The following CDH13 variants were observed in gnomAD, a reference collection of about 807,000 sequenced individuals.
CDH13 encodes cadherin 13.
A neutral mutation model predicts 63.8 loss-of-function variants in CDH13; 24 were observed. The observed-to-expected ratio is 0.38, with a 90% CI of 0.27 to 0.53. The LOEUF is 0.53. Among genes scored for constraint, CDH13 ranks in the 20% least tolerant of loss-of-function variants. The pLI, the probability that CDH13 is intolerant of heterozygous loss-of-function variation, is 0.85. For missense variants in CDH13, 1,049 were observed against 903.1 expected (o/e 1.16, Z -2.07); for synonymous variants, 503 against 355.3 (o/e 1.42, Z -4.67).
chr16:83,694,362 T>C (rs1263411922), intron 10 of CDH13, among the ~76,000 whole-genome samples: 3 of 152,122 alleles, frequency 2.0e-5, no homozygotes, highest in Admixed American at 6.5e-5. Context: ...GGTTACTACC[T>C]CCCACCAACA....
At chr16:83,682,813 C>T (rs1370789104) in intron 10 of CDH13, among the ~76,000 whole-genome samples, 1 of 152,168 alleles carries the variant, frequency 6.6e-6, no homozygotes, top group East Asian at 1.9e-4. Context: ...AACTAAAAGC[C>T]CCCATGAGAG....
At chr16:83,152,318 T>C (rs564964343) in intron 4 of CDH13, among the ~76,000 whole-genome samples, 1 of 152,312 alleles carries the variant, frequency 6.6e-6, no homozygotes, top group African/African-American at 2.4e-5. Flanking sequence ...TGGACTACTA[T>C]GCAATCATTA....
intron 7 of CDH13, among the ~76,000 whole-genome samples, chr16:83,563,765 A>G (rs1214528592): frequency 6.6e-6 from 1 of 152,054 alleles, no homozygotes; most frequent in East Asian, 1.9e-4. Flanking sequence ...CCCCAAACCA[A>G]AGCCTCCTGC....
chr16:83,159,410 T>C (rs1294472025), intron 4 of CDH13, among the ~76,000 whole-genome samples: 1 of 152,206 alleles, frequency 6.6e-6, no homozygotes, highest in African/African-American at 2.4e-5. Flanking sequence ...CAAAAATATT[T>C]TCTAAACAAT....
intron 1 of CDH13, among the ~76,000 whole-genome samples, chr16:82,687,923 T>C (rs926949108): frequency 1.3e-5 from 2 of 152,142 alleles, no homozygotes; most frequent in Non-Finnish European, 2.9e-5. Context: ...AGGCACCTCC[T>C]TGGACTCAGA....
intron 2 of CDH13, among the ~76,000 whole-genome samples, chr16:82,902,234 A>C (rs1373568393): frequency 6.6e-6 from 1 of 152,198 alleles, no homozygotes; most frequent in Non-Finnish European, 1.5e-5. Flanking sequence ...AAGCAATATA[A>C]AGTGGTTCTT....
In CDH13 at chr16:83,304,343, T is replaced by A. The variant is rs576590931; in HGVS notation, c.637-40519T>A. Among the ~76,000 whole-genome samples the A allele has an allele frequency of 4.5e-4, 69 of 152,242 alleles. 1 individual carries two copies. The highest frequency in any genetic ancestry group is 1.6e-3 in the African/African-American group (66 of 41,548). On this transcript the variant is annotated intron_variant, in intron 5 of 13. Transcript: ENST00000567109. ...AGATTGGAATCTTGGGAAAAAAGAC[T>A]GTGTTGGTAATTTTAGAAGGAGTCT...
intron 7 of CDH13, among the ~76,000 whole-genome samples, chr16:83,539,989 T>C (rs931255936): frequency 6.6e-6 from 1 of 152,196 alleles, no homozygotes; most frequent in Non-Finnish European, 1.5e-5. Flanking sequence ...TTCTCTTGCT[T>C]CTGAATCTCT....
At chr16:83,444,098 TTGA>T (rs1313912583) in intron 6 of CDH13, among the ~76,000 whole-genome samples, 1 of 144,658 alleles carries the variant, frequency 6.9e-6, no homozygotes, top group Admixed American at 6.8e-5. Context: ...AATAGTGAGG[TTGA>T]TGATGGTGAA....
chr16:83,238,351 C>T (rs1298731823), intron 5 of CDH13, among the ~76,000 whole-genome samples: 2 of 152,164 alleles, frequency 1.3e-5, no homozygotes, highest in Non-Finnish European at 2.9e-5. Context: ...TGCAGGGGAA[C>T]TGCCCTTTAT....
At chr16:83,225,133 C>T (rs1481728818) in intron 5 of CDH13, among the ~76,000 whole-genome samples, 1 of 152,138 alleles carries the variant, frequency 6.6e-6, no homozygotes, top group African/African-American at 2.4e-5. Context: ...GGGTTTTAGC[C>T]AGCCCACCAG....
intron 4 of CDH13, among the ~76,000 whole-genome samples, chr16:83,206,638 T>G (rs75310531): frequency 0.029 from 4,385 of 152,316 alleles, 208 homozygotes; most frequent in African/African-American, 0.1. Flanking sequence ...GCGAATACAA[T>G]CAGACGTGGC....
chr16:82,868,857 C>G lies in CDH13; in HGVS notation c.157+10384C>G, dbSNP rs536472507. On this transcript the variant is annotated intron_variant, in intron 2 of 13. Coordinates refer to ENST00000567109, the MANE Select transcript of CDH13 (RefSeq NM_001257.5). Reference sequence around the variant, plus strand: ...GACAGAGATGCCACAGTTCAGCTGCCTGGGTTCAAATCTAAGGCCGATCCT... The same window carrying G: ...GACAGAGATGCCACAGTTCAGCTGCGTGGGTTCAAATCTAAGGCCGATCCT... Among the ~76,000 whole-genome samples, 4 of 152,274 alleles carry G rather than the reference C, an allele frequency of 2.6e-5. No homozygotes were observed. The South Asian group carries it at 8.3e-4, about 32-fold the overall frequency.
intron 1 of CDH13, among the ~76,000 whole-genome samples, chr16:82,661,032 C>G (rs1019166943): frequency 5.3e-5 from 8 of 152,072 alleles, no homozygotes; most frequent in African/African-American, 1.9e-4. Context: ...GTGGCCACTT[C>G]AAAGTGGGTC....
chr16:82,807,772 T>A (rs536350868), intron 1 of CDH13, among the ~76,000 whole-genome samples: 38 of 152,302 alleles, frequency 2.5e-4, no homozygotes, highest in African/African-American at 9.1e-4. Flanking sequence ...TGGAGCATTT[T>A]ATATGTGGAG....
intron 2 of CDH13, among the ~76,000 whole-genome samples, chr16:82,976,771 G>A (rs560112938): frequency 6.6e-6 from 1 of 152,318 alleles, no homozygotes; most frequent in East Asian, 1.9e-4. Context: ...CTAAGCAAGA[G>A]TTTGATTTGT....
At chr16:83,646,747 T>G (rs1217347745) in intron 8 of CDH13, among the ~76,000 whole-genome samples, 5 of 147,130 alleles carry the variant, frequency 3.4e-5, no homozygotes, top group Non-Finnish European at 7.4e-5. Context: ...ACAGTTGTGT[T>G]TGCATCCTGT....
At position 83,012,264 on chromosome 16, in the gene CDH13, G is replaced by A. The variant is rs979761033; in HGVS notation, c.158-19746G>A. On this transcript the variant is annotated intron_variant, in intron 2 of 13. Coordinates refer to ENST00000567109, the MANE Select transcript of CDH13 (RefSeq NM_001257.5). Reference sequence around the variant, plus strand: ...ATCTCTTTTCAATTTTCCAAATATAGCATCTAAATTTAGAGAGATGTTAAA... The same window carrying A: ...ATCTCTTTTCAATTTTCCAAATATAACATCTAAATTTAGAGAGATGTTAAA... Among the ~76,000 whole-genome samples the A allele has an allele frequency of 2.7e-5, 4 of 149,610 alleles. No individual in the cohort carries two copies. In the East Asian group the frequency reaches 5.8e-4, roughly 22 times the overall value.
intron 13 of CDH13, among the ~76,000 whole-genome samples, chr16:83,788,522 G>C (rs543250114): frequency 6.6e-6 from 1 of 151,230 alleles, no homozygotes; most frequent in South Asian, 2.1e-4. Flanking sequence ...TTACCAACAA[G>C]GGATTTTCTT....
Sources: gnomAD v4.1 joint callset for allele counts (sites outside exome capture counted in the v4.1 genomes callset) on GRCh38, gnomAD v4.1.1 for gene constraint, MANE v1.5 for transcripts, NCBI Gene and HGNC (gene_info 2026-07-23, HGNC 2026-07-21) for gene names.